The following EML4 variants were observed in gnomAD, a reference collection of about 807,000 sequenced individuals.
EML4 encodes EMAP like 4.
A neutral mutation model predicts 129.0 loss-of-function variants in EML4; 72 were observed. The observed-to-expected ratio is 0.56, with a 90% CI of 0.46 to 0.68. The LOEUF (loss-of-function observed/expected upper bound fraction) is 0.68, where lower values mean the gene tolerates loss of function less well. Among genes scored for constraint, EML4 ranks in the 30% least tolerant of loss-of-function variants. The pLI is 0.00. For missense variants in EML4, 1,363 were observed against 1,190.6 expected, an observed-to-expected ratio of 1.14 and a Z score of -2.13; for synonymous variants, 532 against 405.0, an observed-to-expected ratio of 1.31 and a Z score of -3.77.
intron 6 of EML4, among the ~76,000 whole-genome samples, chr2:42,268,979 C>T: frequency 6.6e-6 from 1 of 152,146 alleles, no homozygotes; most frequent in East Asian, 1.9e-4. Flanking sequence ...AGGAAGTCAT[C>T]AATCACTAAA....
chr2:42,330,782 C>T lies in EML4; in HGVS notation c.*575C>T, dbSNP rs1670064078. 9.0e-6 allele frequency: 2 copies of T among 221,864 alleles called. No homozygotes were observed. The highest frequency in any genetic ancestry group is 2.6e-4 in the South Asian group (2 of 7,818). 13.7% of individuals were successfully genotyped at this position (221,864 alleles called of 1,614,324 possible). The stretch of plus-strand genomic sequence containing the variant: ...CTTTAAAAAATGCCGTTTTCTTACA[C>T]TACCAGTGGATGTCCAGACATGCTC... On this transcript the variant is annotated 3_prime_UTR_variant, in exon 23 of 23. Transcript: ENST00000318522.
intron 6 of EML4, 139 bp from the exon 7 acceptor site, chr2:42,280,711 A>G (rs1235469328): frequency 7.7e-6 from 5 of 646,370 alleles, no homozygotes; most frequent in African/African-American, 1.8e-5. Flanking sequence ...CTATATAACA[A>G]AAACAATTGT....
intron 6 of EML4, among the ~76,000 whole-genome samples, chr2:42,270,612 T>C (rs1666310754): frequency 6.6e-6 from 1 of 152,218 alleles, no homozygotes; most frequent in African/African-American, 2.4e-5. Flanking sequence ...AATTTATCGA[T>C]AAAGATATAT....
chr2:42,242,127 A>G (rs939835894), intron 1 of EML4, among the ~76,000 whole-genome samples: 1 of 152,174 alleles, frequency 6.6e-6, no homozygotes, highest in Admixed American at 6.6e-5. Flanking sequence ...CCAAGCTGGT[A>G]CTAAAACCTA....
chr2:42,270,225 C>T lies in EML4; in HGVS notation c.667+5494C>T, dbSNP rs182633582. Among the ~76,000 whole-genome samples, 80 of 152,174 alleles carry T rather than the reference C, an allele frequency of 5.3e-4. No homozygotes were observed. In the East Asian group the frequency reaches 0.013, roughly 24 times the overall value. On this transcript the variant is annotated intron_variant, in intron 6 of 22. Transcript: ENST00000318522. ...AAAGGAAGGACAGTTGCCTCCTGTC[C>T]CCACAATACCTTCACTAACTTGCTT...
At chr2:42,253,018 T>C (rs185959115) in intron 2 of EML4, among the ~76,000 whole-genome samples, 5 of 152,306 alleles carry the variant, frequency 3.3e-5, no homozygotes, top group Non-Finnish European at 7.3e-5. Context: ...TAATTGGTCC[T>C]GAGTAAATAT....
chr2:42,289,494 A>G (rs1170869711), intron 11 of EML4: 1 of 152,132 alleles, frequency 6.6e-6, no homozygotes, highest in African/African-American at 2.4e-5. Flanking sequence ...TTCTAGTTGC[A>G]TCCTAGACAT....
chr2:42,204,181 A>G (rs1672403875), intron 1 of EML4, among the ~76,000 whole-genome samples: 1 of 152,104 alleles, frequency 6.6e-6, no homozygotes, highest in African/African-American at 2.4e-5. Flanking sequence ...TGGCCTCCCA[A>G]AGTGCTGTAA....
chr2:42,306,849 A>ATT (rs1394006259), intron 17 of EML4, among the ~76,000 whole-genome samples: 1 of 152,022 alleles, frequency 6.6e-6, no homozygotes, highest in Admixed American at 6.6e-5. Context: ...CATAGTGTTT[A>ATT]TTAATATCGT....
chr2:42,247,761 A>G (rs1475977619), intron 2 of EML4, among the ~76,000 whole-genome samples: 1 of 151,986 alleles, frequency 6.6e-6, no homozygotes, highest in Admixed American at 6.6e-5. Flanking sequence ...ATTGATTTTT[A>G]TAGGAGGATT....
At chr2:42,322,848 C>T (rs1279398631) in intron 19 of EML4, among the ~76,000 whole-genome samples, 4 of 152,144 alleles carry the variant, frequency 2.6e-5, no homozygotes, top group Non-Finnish European at 5.9e-5. Flanking sequence ...TGCATTTCAT[C>T]TTTTCTTTGC....
At chr2:42,316,200 C>A in intron 18 of EML4, 150 bp downstream of exon 18, 1 of 492,300 alleles carries the variant, frequency 2.0e-6, no homozygotes, top group Non-Finnish European at 3.7e-6. Context: ...AAATTAAATT[C>A]TGCTGCCAGA....
At chr2:42,204,404 G>C (rs911100416) in intron 1 of EML4, among the ~76,000 whole-genome samples, 3 of 152,132 alleles carry the variant, frequency 2.0e-5, no homozygotes, top group Non-Finnish European at 4.4e-5. Flanking sequence ...TTTCTGGAAA[G>C]GGCCAGATAA....
chr2:42,235,027 G>A (rs557689561), intron 1 of EML4, among the ~76,000 whole-genome samples: 45 of 152,138 alleles, frequency 3.0e-4, no homozygotes, highest in Non-Finnish European at 5.0e-4. Flanking sequence ...CAGGCATGGT[G>A]GCTCATGCCT....
intron 19 of EML4, among the ~76,000 whole-genome samples, chr2:42,321,908 G>A (rs1262449413): frequency 6.6e-6 from 1 of 152,176 alleles, no homozygotes; most frequent in South Asian, 2.1e-4. Context: ...ATTGCTGAAA[G>A]ACATAACTAA....
chr2:42,261,497 G>GA (rs10573221), intron 4 of EML4: 7,737 of 219,046 alleles, frequency 0.035, 2 homozygotes, highest in Middle Eastern at 0.094. Context: ...GTTAAAACTG[G>GA]AAAAAAAAAA....
chr2:42,200,279 T>A (rs1383605224), intron 1 of EML4, among the ~76,000 whole-genome samples: 3 of 151,826 alleles, frequency 2.0e-5, no homozygotes, highest in Admixed American at 2.0e-4. Flanking sequence ...GAGCCGAGAT[T>A]GGGCCACTGC....
In EML4 at chr2:42,174,481, G is replaced by C. The variant is rs558242517; in HGVS notation, c.25+4845G>C. 1.8e-4 allele frequency among the ~76,000 whole-genome samples: 27 copies of C among 152,182 alleles called. 1 individual carries two copies. The highest frequency in any genetic ancestry group is 6.5e-4 in the African/African-American group (27 of 41,506). ...AATTTTTGTATTTTTAGTAGAGACA[G>C]GTTTTCACTATGTTGGCCAGGCTGG... On this transcript the variant is annotated intron_variant, in intron 1 of 22. Coordinates refer to ENST00000318522, the MANE Select transcript of EML4 (RefSeq NM_019063.5).
chr2:42,252,093 A>G (rs961782646), intron 2 of EML4, among the ~76,000 whole-genome samples: 1 of 152,214 alleles, frequency 6.6e-6, no homozygotes, highest in Non-Finnish European at 1.5e-5. Context: ...GAATAAGAAG[A>G]TAATATGTAC....
Sources: gnomAD v4.1 joint callset for allele counts (sites outside exome capture counted in the v4.1 genomes callset) on GRCh38, gnomAD v4.1.1 for gene constraint, MANE v1.5 for transcripts, NCBI Gene and HGNC (gene_info 2026-07-23, HGNC 2026-07-21) for gene names.